Variants in ERBB4 observed in about 807,000 individuals in gnomAD.
ERBB4 encodes erb-b2 receptor tyrosine kinase 4.
Under a neutral mutation model 158.0 loss-of-function variants are expected in ERBB4, and 42 were observed. The observed-to-expected ratio is 0.27, with a 90% CI of 0.21 to 0.34. The LOEUF (loss-of-function observed/expected upper bound fraction) is 0.34. Among genes scored for constraint, ERBB4 ranks in the 10% least tolerant of loss-of-function variants. The probability of loss-of-function intolerance (pLI) is 1.00; values close to 1 mark genes in which losing one functional copy is unlikely to be tolerated. For missense variants in ERBB4, 1,333 were observed against 1,624.1 expected, an observed-to-expected ratio of 0.82 and a Z score of 3.08; for synonymous variants, 583 against 558.7, an observed-to-expected ratio of 1.04 and a Z score of -0.61.
chr2:212,213,002 G>A (rs1004937712), intron 1 of ERBB4, among the ~76,000 whole-genome samples: 2 of 152,036 alleles, frequency 1.3e-5, no homozygotes, highest in African/African-American at 4.8e-5. Context: ...CAGGACATAG[G>A]CATGGGCAAA....
At chr2:212,463,484 A>G (rs771447690) in intron 1 of ERBB4, among the ~76,000 whole-genome samples, 8 of 152,080 alleles carry the variant, frequency 5.3e-5, no homozygotes, top group Non-Finnish European at 1.0e-4. Context: ...GCCATATACT[A>G]ATCTCATTAT....
At chr2:211,766,456 T>C (rs1177740549) in intron 4 of ERBB4, among the ~76,000 whole-genome samples, 1 of 152,342 alleles carries the variant, frequency 6.6e-6, no homozygotes, top group East Asian at 1.9e-4. Context: ...GTGAAACATC[T>C]TGGTAAATGT....
At chr2:212,319,947 T>C (rs964279509) in intron 1 of ERBB4, among the ~76,000 whole-genome samples, 3 of 150,266 alleles carry the variant, frequency 2.0e-5, no homozygotes, top group Non-Finnish European at 3.0e-5. Context: ...AAGATCTGAA[T>C]AGGAATCCAA....
At chr2:212,112,348 C>T (rs1304680704) in intron 2 of ERBB4, among the ~76,000 whole-genome samples, 1 of 152,140 alleles carries the variant, frequency 6.6e-6, no homozygotes, top group African/African-American at 2.4e-5. Context: ...CCACTGTCCC[C>T]AGCACTGAGT....
chr2:211,501,994 CTCT>C (rs1287648615), intron 20 of ERBB4, among the ~76,000 whole-genome samples: 1 of 152,080 alleles, frequency 6.6e-6, no homozygotes, highest in Admixed American at 6.5e-5. Context: ...ATGAATCAAA[CTCT>C]TCTTAGTATC....
In ERBB4 at chr2:211,380,521, A is replaced by C. The variant is rs576369477; in HGVS notation, c.*3094T>G. Reference sequence around the variant, plus strand: ...ATCTGATATCCCCCCAAGCACTTTGAAGACTTTAACTGACATTTTAAAATT... The same window carrying C: ...ATCTGATATCCCCCCAAGCACTTTGCAGACTTTAACTGACATTTTAAAATT... On this transcript the variant is annotated 3_prime_UTR_variant, in exon 28 of 28. Transcript: ENST00000342788. 4.3e-6 allele frequency: 1 copy of C among 232,260 alleles called. No individual in the cohort carries two copies. The highest frequency in any genetic ancestry group is 8.5e-6 in the Non-Finnish European group (1 of 117,456). 14.4% of individuals were successfully genotyped at this position (232,260 alleles called of 1,614,324 possible).
chr2:212,142,174 G>A (rs768897243), intron 1 of ERBB4, among the ~76,000 whole-genome samples: 5 of 152,112 alleles, frequency 3.3e-5, no homozygotes, highest in Non-Finnish European at 7.4e-5. Context: ...ATGACACTTT[G>A]AGTAGCATCA....
At chr2:211,395,622 G>C (rs201114220) in intron 25 of ERBB4, among the ~76,000 whole-genome samples, 4 of 101,546 alleles carry the variant, frequency 3.9e-5, no homozygotes, top group African/African-American at 1.1e-4. Flanking sequence ...TTTTAAGACA[G>C]ATATTAACTT....
In ERBB4 at chr2:211,772,938, TATATATATATA is replaced by T. The variant is rs1293167309; in HGVS notation, c.556+15076_556+15086del. ...ACACACACACACATATATATATATA[TATATATATATA>T]TATATATTTTTTTTTTTAAAGATGG... On this transcript the variant is annotated intron_variant, in intron 4 of 27. Transcript: ENST00000342788. Among the ~76,000 whole-genome samples, 2 of 87,734 alleles carry T rather than the reference TATATATATATA, an allele frequency of 2.3e-5. 1 individual carries two copies. Among genetic ancestry groups the T allele is most frequent in the African/African-American group, 1.3e-4 (2 of 14,858 alleles). The allele number at this position is 87,734 out of a possible 152,430, so 57.6% of individuals were successfully genotyped here. A position where few individuals can be genotyped will look rare whatever the true frequency, so the allele number is the denominator to read the frequency against.
At chr2:211,668,847 G>A (rs115703541) in intron 14 of ERBB4, among the ~76,000 whole-genome samples, 3,401 of 152,146 alleles carry the variant, frequency 0.022, 132 homozygotes, top group African/African-American at 0.077. Flanking sequence ...AAGTGGAAGT[G>A]CCATAAATTA....
intron 2 of ERBB4, among the ~76,000 whole-genome samples, chr2:212,004,111 T>C (rs1225591707): frequency 1.3e-5 from 2 of 152,140 alleles, no homozygotes; most frequent in African/African-American, 2.4e-5. Context: ...ATTTTTATGA[T>C]AATAGATAAA....
At chr2:212,118,969 C>T (rs2079657097) in intron 2 of ERBB4, among the ~76,000 whole-genome samples, 1 of 151,832 alleles carries the variant, frequency 6.6e-6, no homozygotes, top group African/African-American at 2.4e-5. Flanking sequence ...TTAATGTTAT[C>T]TTAAAAGGCA....
At chr2:211,853,085 T>C (rs992728981) in intron 3 of ERBB4, among the ~76,000 whole-genome samples, 3 of 151,926 alleles carry the variant, frequency 2.0e-5, no homozygotes, top group Non-Finnish European at 4.4e-5. Context: ...GAAACACAGG[T>C]CTTGCTTCTG....
At chr2:212,351,959 A>G (rs2106342418) in intron 1 of ERBB4, among the ~76,000 whole-genome samples, 1 of 152,344 alleles carries the variant, frequency 6.6e-6, no homozygotes, top group African/African-American at 2.4e-5. Flanking sequence ...AATGTGATAC[A>G]TATACACTGT....
At chr2:211,820,684 C>T (rs1575195424) in intron 3 of ERBB4, among the ~76,000 whole-genome samples, 1 of 151,732 alleles carries the variant, frequency 6.6e-6, no homozygotes, top group East Asian at 1.9e-4. Context: ...CACACAAAAT[C>T]ACACCAAAAT....
chr2:211,376,493 A>G lies in ERBB4; in HGVS notation c.*7122T>C, dbSNP rs2062475627. On this transcript the variant is annotated 3_prime_UTR_variant, in exon 28 of 28. Transcript: ENST00000342788. ...CTTTGAATGCAGGGATTTAAATAAA[A>G]CATTGATGGCTTACCAGCAAGGTAT... is the stretch of plus-strand genomic sequence containing the variant. The G allele has an allele frequency of 8.6e-6, 2 of 232,748 alleles. No homozygotes were observed. The highest frequency in any genetic ancestry group is 1.2e-4 in the East Asian group (2 of 16,484). The allele number at this position is 232,748 out of a possible 1,614,324, so 14.4% of individuals were successfully genotyped here. A position where few individuals can be genotyped will look rare whatever the true frequency, so the allele number is the denominator to read the frequency against.
intron 3 of ERBB4, among the ~76,000 whole-genome samples, chr2:211,927,551 A>G (rs1165769999): frequency 6.6e-6 from 1 of 152,136 alleles, no homozygotes; most frequent in Non-Finnish European, 1.5e-5. Context: ...AAATAATGAG[A>G]TTCTAAAATA....
chr2:212,286,479 A>T (rs2085965566), intron 1 of ERBB4, among the ~76,000 whole-genome samples: 1 of 152,028 alleles, frequency 6.6e-6, no homozygotes, highest in South Asian at 2.1e-4. Flanking sequence ...ATACATATAA[A>T]ATATAAATAT....
intron 20 of ERBB4, among the ~76,000 whole-genome samples, chr2:211,432,605 C>CA (rs60438750): frequency 0.018 from 2,392 of 134,974 alleles, 40 homozygotes; most frequent in Non-Finnish European, 0.023. Flanking sequence ...CTTAAAGGAT[C>CA]AAAAAAAAAA....
Sources: gnomAD v4.1 joint callset for allele counts (sites outside exome capture counted in the v4.1 genomes callset) on GRCh38, gnomAD v4.1.1 for gene constraint, MANE v1.5 for transcripts, NCBI Gene and HGNC (gene_info 2026-07-23, HGNC 2026-07-21) for gene names.